The following CYP2B6 variants were observed in gnomAD, a reference collection of about 807,000 sequenced individuals.
The protein encoded by CYP2B6 is cytochrome P450 2B6.
CYP2B6 carries 35 observed loss-of-function variants against 43.4 expected under a neutral mutation model. The ratio of observed to expected loss-of-function variants is 0.81; its 90% CI spans 0.62 to 1.07. CYP2B6 has a LOEUF of 1.07. Among genes scored for constraint, CYP2B6 ranks in the 50% least tolerant of loss-of-function variants. The pLI is 0.00. For missense variants in CYP2B6, 624 were observed against 632.8 expected, an observed-to-expected ratio of 0.99 and a Z score of 0.15; for synonymous variants, 239 against 239.2, an observed-to-expected ratio of 1.00 and a Z score of 0.01.
At chr19:40,999,408 A>T (rs952380375) in intron 1 of CYP2B6, among the ~76,000 whole-genome samples, 2 of 151,900 alleles carry the variant, frequency 1.3e-5, no homozygotes, top group African/African-American at 4.8e-5. Context: ...TTTGCTGTGC[A>T]GAAGCTCTTT....
At chr19:41,014,469 C>T (rs1007742968) in intron 8 of CYP2B6, among the ~76,000 whole-genome samples, 11 of 151,984 alleles carry the variant, frequency 7.2e-5, no homozygotes, top group Non-Finnish European at 1.3e-4. Flanking sequence ...CCATGCCTGG[C>T]TATTTTTTTT....
rs539597972 is a variant in CYP2B6, at chr19:41,007,496, C to G, written c.645+431C>G. On this transcript the variant is annotated intron_variant, in intron 4 of 8. Transcript: ENST00000324071. ...TTTTTTAGACGGAGTCTCGCTGTTT[C>G]ATTCCAGCTGGGGTGTAGTGTTGCC... 8 of 179,914 alleles carry G rather than the reference C, an allele frequency of 4.4e-5. No homozygotes were observed. In the South Asian group the frequency reaches 9.1e-4, roughly 20 times the overall value. The allele number at this position is 179,914 out of a possible 1,614,324, so 11.1% of individuals were successfully genotyped here.
At position 41,012,430 on chromosome 19, in the gene CYP2B6, G is replaced by A. The variant is rs764757123; in HGVS notation, c.1097G>A (p.Gly366Asp). ...AGATTTTCCGACCTTCTCCCCATGG[G>A]TGTGCCCCACATTGTCACCCAACAC... is the stretch of plus-strand genomic sequence containing the variant. ...IQRFSDLLPM[G>D]VPHIVTQHTS... The change falls in exon 7 of 9, where the codon GGT (glycine) becomes GAT (aspartate). Residue 366 changes from glycine to aspartate, a missense_variant. Gly to Asp is a moderately conservative substitution (Grantham distance 94). Coordinates refer to ENST00000324071, the MANE Select transcript of CYP2B6 (RefSeq NM_000767.5). The A allele has an allele frequency of 1.2e-6, 2 of 1,614,046 alleles. No individual in the cohort carries two copies. Among genetic ancestry groups the A allele is most frequent in the Non-Finnish European group, 1.7e-6 (2 of 1,179,972 alleles).
At chr19:41,002,749 A>G (rs1288701223) in intron 1 of CYP2B6, among the ~76,000 whole-genome samples, 2 of 152,038 alleles carry the variant, frequency 1.3e-5, no homozygotes, top group Non-Finnish European at 2.9e-5. Context: ...GGTTTTCACC[A>G]TGTTGGTCAG....
intron 1 of CYP2B6, among the ~76,000 whole-genome samples, chr19:40,997,595 T>C (rs1969016762): frequency 6.6e-6 from 1 of 152,200 alleles, no homozygotes; most frequent in Non-Finnish European, 1.5e-5. Flanking sequence ...AATGTGATAA[T>C]TGTCATACAT....
rs762491339 is a variant in CYP2B6 at position 41,004,360 on chromosome 19, G to A, written c.398G>A (p.Arg133Lys). The A allele has an allele frequency of 1.2e-6, 2 of 1,614,040 alleles. No homozygotes were observed. Among genetic ancestry groups the A allele is most frequent in the African/African-American group, 1.3e-5 (1 of 74,956 alleles). Reference sequence around the variant, plus strand: ...CGGCGATTCTCTGTGACCACTATGAGGGACTTCGGGATGGGAAAGCGGAGT... The same window carrying A: ...CGGCGATTCTCTGTGACCACTATGAAGGACTTCGGGATGGGAAAGCGGAGT... ...VLRRFSVTTM[R>K]DFGMGKRSVE... Residue 133 changes from arginine to lysine, a missense_variant, in exon 3 of 9, where the codon AGG becomes AAG. Physicochemically the swap from Arg to Lys is conservative, Grantham distance 26. Transcript: ENST00000324071.
chr19:41,004,575 G>C (rs1478585407), intron 3 of CYP2B6, 129 bp downstream of exon 3: 2 of 1,047,818 alleles, frequency 1.9e-6, no homozygotes, highest in African/African-American at 3.2e-5. Context: ...GACACCATCA[G>C]ACAGAGGGAT....
intron 1 of CYP2B6, among the ~76,000 whole-genome samples, chr19:41,002,898 C>T (rs952286600): frequency 4.6e-5 from 7 of 152,034 alleles, no homozygotes; most frequent in Admixed American, 4.6e-4. Flanking sequence ...CTCTTTTGTG[C>T]CTAGTTGCTT....
Position 41,007,073 on chromosome 19 carries a change from A to G in CYP2B6, c.645+8A>G, listed in dbSNP as rs1969201595. On this transcript the variant is annotated splice_region_variant and intron_variant, in intron 4 of 8. Coordinates refer to ENST00000324071, the MANE Select transcript of CYP2B6 (RefSeq NM_000767.5). ...AGCTCTGTATTCGGCCAGGTCAGGG[A>G]GACGGAGAGGGACAGGGGGTGTGGG... is the stretch of plus-strand genomic sequence containing the variant. 1 of 1,613,104 alleles carries G rather than the reference A, an allele frequency of 6.2e-7. No individual in the cohort carries two copies.
chr19:41,009,683 G>A (rs1316500655), intron 5 of CYP2B6: 6 of 601,490 alleles, frequency 1.0e-5, no homozygotes, highest in Admixed American at 6.0e-5. Flanking sequence ...GAAGGAATTC[G>A]GGGCAAGGGA....
chr19:41,012,596 T>C, intron 7 of CYP2B6, 78 bp from the exon 8 acceptor site: 1 of 1,612,390 alleles, frequency 6.2e-7, no homozygotes, highest in Non-Finnish European at 8.5e-7. Context: ...GTTTTTGTTT[T>C]TTGTATTTCT....
chr19:41,012,242 G>A, intron 6 of CYP2B6, 56 bp from the exon 7 acceptor site: 5 of 1,564,054 alleles, frequency 3.2e-6, no homozygotes, highest in Non-Finnish European at 4.4e-6. Flanking sequence ...GAGCCACCAT[G>A]CCTGGCCTGA....
chr19:41,017,242 T>C lies in CYP2B6; in HGVS notation c.*415T>C, dbSNP rs554556199. 1.0e-3 allele frequency: 162 copies of C among 156,596 alleles called. No individual in the cohort carries two copies. The highest frequency in any genetic ancestry group is 3.3e-3 in the Middle Eastern group (1 of 302). 9.7% of individuals were successfully genotyped at this position (156,596 alleles called of 1,614,324 possible). A position where few individuals can be genotyped will look rare whatever the true frequency, so the allele number is the denominator to read the frequency against. The stretch of plus-strand genomic sequence containing the variant: ...ATTTTTAGTAGAGATGGGGTTTCAC[T>C]GTGTAGGCCAGGCTGGTCTCGAACT... On this transcript the variant is annotated 3_prime_UTR_variant, in exon 9 of 9. Coordinates refer to ENST00000324071, the MANE Select transcript of CYP2B6 (RefSeq NM_000767.5).
rs778207953 is a variant in CYP2B6 at position 40,991,489 on chromosome 19, C to T, written c.171+13C>T. ...ATCCTTTCTGAGGGTAAGACACAGA[C>T]GAATGGGGTCTGAGGGTGAGCTGCT... On this transcript the variant is annotated intron_variant, in intron 1 of 8. Coordinates refer to ENST00000324071, the MANE Select transcript of CYP2B6 (RefSeq NM_000767.5). 16 of 1,613,088 alleles carry T rather than the reference C, an allele frequency of 9.9e-6. No individual in the cohort carries two copies. In the East Asian group the frequency reaches 1.3e-4, roughly 13 times the overall value.
intron 1 of CYP2B6, among the ~76,000 whole-genome samples, chr19:40,991,703 A>G (rs1968922679): frequency 6.6e-6 from 1 of 152,136 alleles, no homozygotes; most frequent in African/African-American, 2.4e-5. Flanking sequence ...TGAGTTGGAC[A>G]GCTCCCTAAA....
chr19:40,991,935 G>A lies in CYP2B6; in HGVS notation c.171+459G>A, dbSNP rs553372149. On this transcript the variant is annotated intron_variant, in intron 1 of 8. Transcript: ENST00000324071. ...ATATTCATTTGGGCCAGGTGCAGTG[G>A]CTCATGCCTGTAATCCCAGTGCTTT... 2.6e-5 allele frequency among the ~76,000 whole-genome samples: 4 copies of A among 152,206 alleles called. No homozygotes were observed. The South Asian group carries it at 8.3e-4, about 32-fold the overall frequency.
Position 41,004,515 on chromosome 19 carries a change from G to T in CYP2B6, c.484+69G>T, listed in dbSNP as rs1397650211. 10 of 1,556,810 alleles carry T rather than the reference G, an allele frequency of 6.4e-6. 1 individual carries two copies. The South Asian group carries it at 9.3e-5, about 14-fold the overall frequency. On this transcript the variant is annotated intron_variant, in intron 3 of 8. Coordinates refer to ENST00000324071, the MANE Select transcript of CYP2B6 (RefSeq NM_000767.5). The stretch of plus-strand genomic sequence containing the variant: ...TGAGAGATGCAGGTGCACGGGAATA[G>T]AAAGACAGAGAGGTATATAAGGGCA...
rs760605620 is a variant in CYP2B6 at position 41,006,891 on chromosome 19, C to G, written c.485-14C>G. On this transcript the variant is annotated splice_polypyrimidine_tract_variant and intron_variant, in intron 3 of 8. Transcript: ENST00000324071. ...CACTTCAGTCTGTGTCCTTGACCTGCTGCTTCTTCCTAGGGGCCCTCATGG... is the reference window on the plus strand; with the variant it reads ...CACTTCAGTCTGTGTCCTTGACCTGGTGCTTCTTCCTAGGGGCCCTCATGG... 1 of 1,612,580 alleles carries G rather than the reference C, an allele frequency of 6.2e-7. No homozygotes were observed. The highest frequency in any genetic ancestry group is 8.5e-7 in the Non-Finnish European group (1 of 1,179,778).
intron 8 of CYP2B6, among the ~76,000 whole-genome samples, chr19:41,014,646 G>A (rs1599853343): frequency 6.6e-6 from 1 of 152,174 alleles, no homozygotes; most frequent in Non-Finnish European, 1.5e-5. Context: ...AGGGAAATAA[G>A]GACAGAGACA....
Sources: gnomAD v4.1 joint callset for allele counts (sites outside exome capture counted in the v4.1 genomes callset) on GRCh38, gnomAD v4.1.1 for gene constraint, MANE v1.5 for transcripts, NCBI Gene and HGNC (gene_info 2026-07-23, HGNC 2026-07-21) for gene names.